Variants in HEATR3 observed in about 807,000 individuals in gnomAD.
The protein encoded by HEATR3 is HEAT repeat containing 3.
A neutral mutation model predicts 72.8 loss-of-function variants in HEATR3; 56 were observed. That is an observed-to-expected ratio of 0.77 (90% CI 0.62 to 0.96). HEATR3 has a LOEUF of 0.96. Ranked by LOEUF, HEATR3 falls within the 40% of genes least tolerant of loss-of-function variation. The pLI is 0.00. For synonymous variants in HEATR3, 331 were observed against 318.1 expected, an observed-to-expected ratio of 1.04 and a Z score of -0.43; for missense variants, 747 against 831.4, an observed-to-expected ratio of 0.90 and a Z score of 1.25.
intron 11 of HEATR3, among the ~76,000 whole-genome samples, chr16:50,091,323 C>T (rs191359454): frequency 3.3e-5 from 5 of 151,586 alleles, no homozygotes; most frequent in African/African-American, 1.2e-4. Flanking sequence ...AAAAATTAGC[C>T]GGGCGTAATG....
intron 9 of HEATR3, 41 bp from the exon 10 acceptor site, chr16:50,084,528 C>A: frequency 1.5e-6 from 2 of 1,368,034 alleles, no homozygotes; most frequent in Non-Finnish European, 1.0e-6. Flanking sequence ...TGTTAAATGA[C>A]TACTCTTTAA....
chr16:50,080,036 T>A (rs13338387), intron 7 of HEATR3: 35,033 of 152,464 alleles, frequency 0.23, 4,312 homozygotes, highest in African/African-American at 0.31. Flanking sequence ...CAGGTTAGTG[T>A]TTGGAGAGAT....
intron 14 of HEATR3, among the ~76,000 whole-genome samples, chr16:50,103,105 A>G (rs2037404876): frequency 6.6e-6 from 1 of 152,176 alleles, no homozygotes; most frequent in South Asian, 2.1e-4. Context: ...TTCTGGATAA[A>G]GAGCTTGCAA....
intron 3 of HEATR3, 127 bp downstream of exon 3, chr16:50,068,994 G>T: frequency 1.5e-6 from 1 of 656,082 alleles, no homozygotes; most frequent in Non-Finnish European, 2.7e-6. Flanking sequence ...TCCTTTTCCT[G>T]GAAACACCAA....
chr16:50,107,089 C>T lies in HEATR3; in HGVS notation c.*2028C>T, dbSNP rs1172606177. Among the ~76,000 whole-genome samples the T allele has an allele frequency of 6.6e-6, 1 of 152,178 alleles. No homozygotes were observed. The highest frequency in any genetic ancestry group is 6.6e-5 in the Admixed American group (1 of 15,264). ...CCAAAAAAGAAAGTATTAGAGTTCT[C>T]TCTGCCTCAATTATTTATAAAATAT... On this transcript the variant is annotated 3_prime_UTR_variant, in exon 15 of 15. Coordinates refer to ENST00000299192, the MANE Select transcript of HEATR3 (RefSeq NM_182922.4).
intron 4 of HEATR3, among the ~76,000 whole-genome samples, chr16:50,071,248 A>G (rs1469951506): frequency 2.0e-5 from 3 of 152,234 alleles, no homozygotes; most frequent in Non-Finnish European, 2.9e-5. Flanking sequence ...GTCAGCAGCA[A>G]TTACAGTGGC....
intron 11 of HEATR3, 97 bp from the exon 12 acceptor site, chr16:50,094,608 T>A: frequency 1.5e-6 from 1 of 672,980 alleles, no homozygotes; most frequent in East Asian, 2.9e-5. Context: ...AAGAATAGCA[T>A]TTATTAACAT....
chr16:50,090,013 A>G (rs1039528081), intron 11 of HEATR3, among the ~76,000 whole-genome samples: 10 of 152,100 alleles, frequency 6.6e-5, no homozygotes, highest in African/African-American at 2.4e-4. Context: ...GGATTTATTA[A>G]TAATGTAATC....
At chr16:50,099,735 C>T (rs535941796) in intron 12 of HEATR3, among the ~76,000 whole-genome samples, 17 of 152,306 alleles carry the variant, frequency 1.1e-4, no homozygotes, top group East Asian at 3.9e-4. Context: ...TGAGCCACCG[C>T]GCCCAGCCTT....
chr16:50,079,319 C>G (rs1283852780), intron 7 of HEATR3, among the ~76,000 whole-genome samples: 2 of 152,196 alleles, frequency 1.3e-5, no homozygotes, highest in Admixed American at 1.3e-4. Context: ...TCTTGCTTCT[C>G]CCCACTTCTG....
chr16:50,086,360 A>G lies in HEATR3; in HGVS notation c.1510+9A>G. On this transcript the variant is annotated intron_variant, in intron 11 of 14. Transcript: ENST00000299192. ...GCTTTTTTCTCAACCAGGTATTTAG[A>G]CTTTATTGCGAAAGACTACGCAGAC... 1 of 1,602,104 alleles carries G rather than the reference A, an allele frequency of 6.2e-7. No individual in the cohort carries two copies. The highest frequency in any genetic ancestry group is 1.1e-5 in the South Asian group (1 of 89,010).
At chr16:50,101,529 T>C (rs547456062) in intron 13 of HEATR3, among the ~76,000 whole-genome samples, 1 of 152,332 alleles carries the variant, frequency 6.6e-6, no homozygotes, top group African/African-American at 2.4e-5. Context: ...ACATGTTATG[T>C]TTCCTGTGGG....
intron 9 of HEATR3, 85 bp downstream of exon 9, chr16:50,084,376 T>A (rs2036941810): frequency 6.8e-7 from 1 of 1,476,208 alleles, no homozygotes; most frequent in East Asian, 2.3e-5. Context: ...AGAAGCAAGC[T>A]CACACTTCCA....
chr16:50,083,901 G>A, intron 7 of HEATR3, 36 bp from the exon 8 acceptor site: 3 of 1,544,672 alleles, frequency 1.9e-6, no homozygotes, highest in South Asian at 1.2e-5. Flanking sequence ...CCCAACCATT[G>A]AGAGTTGGTC....
chr16:50,080,679 G>A (rs762447842), intron 7 of HEATR3, among the ~76,000 whole-genome samples: 10 of 151,882 alleles, frequency 6.6e-5, no homozygotes, highest in Non-Finnish European at 1.5e-4. Flanking sequence ...ATTTTGAGAC[G>A]AGATCTCACT....
At chr16:50,068,728 G>A in intron 2 of HEATR3, 52 bp from the exon 3 acceptor site, 1 of 1,345,150 alleles carries the variant, frequency 7.4e-7, no homozygotes, top group South Asian at 1.2e-5. Flanking sequence ...GGGTAGAAGT[G>A]TTCTGTGACA....
chr16:50,082,574 GC>G (rs1432979708), intron 7 of HEATR3, among the ~76,000 whole-genome samples: 1 of 149,370 alleles, frequency 6.7e-6, no homozygotes, highest in Non-Finnish European at 1.5e-5. Context: ...TTAGCAATTT[GC>G]TTTTTTTTTT....
Position 50,094,705 on chromosome 16 carries a change from A to G in HEATR3, c.1511A>G (p.Asp504Gly), listed in dbSNP as rs774839437. Residue 504 changes from aspartate (D) to glycine (G), a missense_variant and splice_region_variant, in exon 12 of 15, where the codon GAT becomes GGT. Coordinates refer to ENST00000299192, the MANE Select transcript of HEATR3 (RefSeq NM_182922.4). Reference protein sequence around the residue: ...HLSQLLFSQPDFAKHVDFLEA... With the variant: ...HLSQLLFSQPGFAKHVDFLEA... ...TTTATATTTCATTTTTGTGTTTTAG[A>G]TTTTGCTAAACATGTTGACTTTCTA... 15 of 1,542,466 alleles carry G rather than the reference A, an allele frequency of 9.7e-6. No individual in the cohort carries two copies. Among genetic ancestry groups the G allele is most frequent in the African/African-American group, 2.8e-5 (2 of 71,544 alleles).
At chr16:50,090,290 G>C (rs1349341524) in intron 11 of HEATR3, among the ~76,000 whole-genome samples, 1 of 151,970 alleles carries the variant, frequency 6.6e-6, no homozygotes, top group African/African-American at 2.4e-5. Context: ...GGAGGTCAAG[G>C]CTGCAATGAG....
Sources: gnomAD v4.1 joint callset for allele counts (sites outside exome capture counted in the v4.1 genomes callset) on GRCh38, gnomAD v4.1.1 for gene constraint, MANE v1.5 for transcripts, NCBI Gene and HGNC (gene_info 2026-07-23, HGNC 2026-07-21) for gene names.